PAX3: variants seen among roughly 807,000 people sequenced by gnomAD.
PAX3 encodes the protein paired box 3.
A neutral mutation model predicts 51.6 loss-of-function variants in PAX3; 14 were observed. That is an observed-to-expected ratio of 0.27 (90% CI 0.18 to 0.42). The LOEUF (loss-of-function observed/expected upper bound fraction) is 0.42, where lower values mean the gene tolerates loss of function less well. Among genes scored for constraint, PAX3 ranks in the 10% least tolerant of loss-of-function variants. PAX3 has a pLI of 1.00. For missense variants in PAX3, 540 were observed against 642.8 expected (o/e 0.84, Z 1.73); for synonymous variants, 280 against 253.4 (o/e 1.11, Z -1.00).
At chr2:222,231,621 C>T (rs182696256) in intron 5 of PAX3, among the ~76,000 whole-genome samples, 38 of 152,342 alleles carry the variant, frequency 2.5e-4, no homozygotes, top group African/African-American at 8.7e-4. Context: ...ACTCACTTTG[C>T]AGCTATGCCA....
At position 222,298,922 on chromosome 2, in the gene PAX3, A is replaced by G. The variant is rs1695461706; in HGVS notation, c.-307T>C. The G allele has an allele frequency of 1.4e-5, 7 of 494,210 alleles. No homozygotes were observed. 30.6% of individuals were successfully genotyped at this position (494,210 alleles called of 1,614,324 possible). On this transcript the variant is annotated 5_prime_UTR_variant, in exon 1 of 9. Coordinates refer to ENST00000392070, the MANE Select transcript of PAX3 (RefSeq NM_181458.4). ...GGGTCCCTGAAAAGGGGGCTCAGAG[A>G]GCCACGGCGAGCCGGGGAGCCTGGT...
intron 3 of PAX3, 26 bp downstream of exon 3, chr2:222,295,502 C>T (rs1695248123): frequency 1.2e-6 from 2 of 1,613,920 alleles, no homozygotes; most frequent in African/African-American, 1.3e-5. Context: ...TGTCGCGCCT[C>T]GGGGAGAGGT....
rs1692180289 is a variant in PAX3 at position 222,221,247 on chromosome 2, A to G, written c.933T>C (p.Ser311=). 1 of 1,613,920 alleles carries G rather than the reference A, an allele frequency of 6.2e-7. No homozygotes were observed. The highest frequency in any genetic ancestry group is 8.5e-7 in the Non-Finnish European group (1 of 1,179,936). Reference sequence around the variant, plus strand: ...CTTGTGGAATAGATGTGGGCTGGTAAGAGGTCTCCGACAGCTGGTACGTTG... The same window carrying G: ...CTTGTGGAATAGATGTGGGCTGGTAGGAGGTCTCCGACAGCTGGTACGTTG... ...TLPTYQLSET[S]YQPTSIPQAV... The change falls in exon 6 of 9, where the codon TCT becomes TCC. Residue 311 remains serine, a synonymous_variant. Coordinates refer to ENST00000392070, the MANE Select transcript of PAX3 (RefSeq NM_181458.4).
intron 4 of PAX3, chr2:222,262,975 C>T (rs1477010911): frequency 6.8e-6 from 1 of 146,196 alleles, no homozygotes; most frequent in Non-Finnish European, 1.5e-5. Context: ...CCACCACATA[C>T]AAAAATTAAC....
chr2:222,257,249 C>G (rs1228707247), intron 4 of PAX3, among the ~76,000 whole-genome samples: 1 of 151,818 alleles, frequency 6.6e-6, no homozygotes, highest in Admixed American at 6.6e-5. Flanking sequence ...TTCCTTCACA[C>G]TCACTTACTA....
At chr2:222,208,710 A>G (rs2106047079) in intron 7 of PAX3, among the ~76,000 whole-genome samples, 1 of 152,324 alleles carries the variant, frequency 6.6e-6, no homozygotes. Flanking sequence ...GTCTGAGAAC[A>G]TGACTGTGGA....
intron 4 of PAX3, among the ~76,000 whole-genome samples, chr2:222,284,539 A>C (rs1462338856): frequency 6.6e-6 from 1 of 152,238 alleles, no homozygotes. Flanking sequence ...TTTTACATTT[A>C]ATAGTTGCTC....
intron 7 of PAX3, among the ~76,000 whole-genome samples, chr2:222,211,715 T>C (rs533966753): frequency 6.6e-6 from 1 of 152,188 alleles, no homozygotes. Flanking sequence ...TAAAACTTGA[T>C]AGTTTGGTAT....
intron 7 of PAX3, among the ~76,000 whole-genome samples, chr2:222,212,001 G>T (rs1691754424): frequency 6.6e-6 from 1 of 152,096 alleles, no homozygotes; most frequent in Non-Finnish European, 1.5e-5. Context: ...TCCTCTAGAA[G>T]CTTATAATCA....
chr2:222,240,201 CCG>C (rs928849442), intron 4 of PAX3, among the ~76,000 whole-genome samples: 15 of 152,220 alleles, frequency 9.9e-5, no homozygotes, highest in Non-Finnish European at 2.2e-4. Context: ...GAGGGCCTGG[CCG>C]TGTGCTCCGT....
At chr2:222,201,496 G>A in intron 8 of PAX3, 54 bp from the exon 9 acceptor site, 5 of 1,607,468 alleles carry the variant, frequency 3.1e-6, no homozygotes, top group Admixed American at 1.7e-5. Context: ...TTCACAGTCA[G>A]GGGCAAGATC....
chr2:222,216,975 C>T (rs1691986684), intron 7 of PAX3, among the ~76,000 whole-genome samples: 1 of 152,184 alleles, frequency 6.6e-6, no homozygotes. Context: ...ACTCAAAAAA[C>T]TATAACCAAT....
chr2:222,217,120 C>G (rs1341101943), intron 7 of PAX3, among the ~76,000 whole-genome samples: 1 of 152,154 alleles, frequency 6.6e-6, no homozygotes, highest in African/African-American at 2.4e-5. Context: ...ACCTAAAAAG[C>G]TAGAAGGCAA....
chr2:222,253,151 A>G (rs1693503074), intron 4 of PAX3, among the ~76,000 whole-genome samples: 1 of 152,192 alleles, frequency 6.6e-6, no homozygotes, highest in Non-Finnish European at 1.5e-5. Flanking sequence ...TTCTATTCCG[A>G]GGATTCTGTT....
intron 4 of PAX3, among the ~76,000 whole-genome samples, chr2:222,293,190 A>C (rs545015339): frequency 3.9e-5 from 6 of 152,314 alleles, no homozygotes; most frequent in Admixed American, 1.3e-4. Context: ...AACTTCAGGC[A>C]TGAGTGGGAC....
intron 4 of PAX3, among the ~76,000 whole-genome samples, chr2:222,260,550 AAGTTTTTTTTTTTT>A (rs1222118738): frequency 2.7e-4 from 33 of 124,044 alleles, no homozygotes; most frequent in African/African-American, 1.0e-3. Context: ...CAAGCAACAC[AAGTTTTTTTTTTTT>A]GTTTTTTTTT....
chr2:222,297,107 G>T lies in PAX3; in HGVS notation c.192C>A (p.His64Gln). ...AGATGACGCAGGGCCGGATGCCGTG[G>T]TGGGCCATCTCCACGATCTTGTGGC... is the stretch of plus-strand genomic sequence containing the variant. ...HIRHKIVEMA[H>Q]HGIRPCVISR... is the part of the protein sequence containing the mutation. Residue 64 changes from histidine to glutamine, a missense_variant, in exon 2 of 9, where the codon CAC (histidine) becomes CAA (glutamine). His to Gln is a conservative substitution (Grantham distance 24). Transcript: ENST00000392070. 2 of 1,613,934 alleles carry T rather than the reference G, an allele frequency of 1.2e-6. No homozygotes were observed. The highest frequency in any genetic ancestry group is 1.7e-6 in the Non-Finnish European group (2 of 1,179,938).
chr2:222,241,456 A>G (rs576427559), intron 4 of PAX3, among the ~76,000 whole-genome samples: 1 of 152,228 alleles, frequency 6.6e-6, no homozygotes, highest in Non-Finnish European at 1.5e-5. Flanking sequence ...GCCGCTAAGT[A>G]ACTGACTGAA....
At position 222,200,694 on chromosome 2, in the gene PAX3, G is replaced by A. The variant is rs1040532403; in HGVS notation, c.*714C>T. 3 of 263,728 alleles carry A rather than the reference G, an allele frequency of 1.1e-5. No individual in the cohort carries two copies. The highest frequency in any genetic ancestry group is 2.2e-5 in the Non-Finnish European group (3 of 136,034). 16.3% of individuals were successfully genotyped at this position (263,728 alleles called of 1,614,324 possible). ...AACGTCACACACCTCTCCCCACACAGGAAAGGGAAACAAGTCCTTCTTCCT... is the reference window on the plus strand; with the variant it reads ...AACGTCACACACCTCTCCCCACACAAGAAAGGGAAACAAGTCCTTCTTCCT... On this transcript the variant is annotated 3_prime_UTR_variant, in exon 9 of 9. Coordinates refer to ENST00000392070, the MANE Select transcript of PAX3 (RefSeq NM_181458.4).
Sources: allele counts gnomAD v4.1 joint callset (sites outside exome capture counted in the v4.1 genomes callset), GRCh38; gene constraint gnomAD v4.1.1; transcripts MANE v1.5; gene names NCBI Gene and HGNC (gene_info 2026-07-23, HGNC 2026-07-21).